DNAH9: variants seen among roughly 807,000 people sequenced by gnomAD.
The protein encoded by DNAH9 is dynein axonemal heavy chain 9.
DNAH9 carries 345 observed loss-of-function variants against 471.6 expected under a neutral mutation model. The observed-to-expected ratio is 0.73, with a 90% CI of 0.67 to 0.80. DNAH9 has a LOEUF of 0.80. Among genes scored for constraint, DNAH9 ranks in the 30% least tolerant of loss-of-function variants. The probability of loss-of-function intolerance (pLI) is 0.00; values close to 1 mark genes in which losing one functional copy is unlikely to be tolerated. For synonymous variants in DNAH9, 2,093 were observed against 2,123.6 expected, an observed-to-expected ratio of 0.99 and a Z score of 0.40; for missense variants, 5,407 against 5,609.2, an observed-to-expected ratio of 0.96 and a Z score of 1.15.
rs543303905 is a variant in DNAH9, at chr17:11,874,550, A to T, written c.10243-399A>T. On this transcript the variant is annotated intron_variant, in intron 52 of 68. Coordinates refer to ENST00000262442, the MANE Select transcript of DNAH9 (RefSeq NM_001372.4). Reference sequence around the variant, plus strand: ...ACAGACAGGAGCAAACCCACTAGGCATGGGACCTGGTGCTGGTTCATGGAG... The same window carrying T: ...ACAGACAGGAGCAAACCCACTAGGCTTGGGACCTGGTGCTGGTTCATGGAG... Among the ~76,000 whole-genome samples the T allele has an allele frequency of 3.3e-5, 5 of 152,322 alleles. No individual in the cohort carries two copies. In the South Asian group the frequency reaches 1.0e-3, roughly 32 times the overall value.
chr17:11,780,290 G>A (rs1383799828), intron 38 of DNAH9, among the ~76,000 whole-genome samples: 1 of 152,180 alleles, frequency 6.6e-6, no homozygotes, highest in Non-Finnish European at 1.5e-5. Flanking sequence ...AAGCATCTGG[G>A]AAATTCTCTG....
chr17:11,797,180 C>T lies in DNAH9; in HGVS notation c.8224-417C>T, dbSNP rs540313167. 4.6e-5 allele frequency among the ~76,000 whole-genome samples: 7 copies of T among 152,264 alleles called. 1 individual carries two copies. Among genetic ancestry groups the T allele is most frequent in the South Asian group, 2.1e-4 (1 of 4,824 alleles). ...GAAAAGATGTTGGATGGCTTTGCTGCAGATTGAGGACCTAGATCTGTTGGA... is the reference window on the plus strand; with the variant it reads ...GAAAAGATGTTGGATGGCTTTGCTGTAGATTGAGGACCTAGATCTGTTGGA... On this transcript the variant is annotated intron_variant, in intron 42 of 68. Transcript: ENST00000262442.
At chr17:11,917,804 C>T (rs1440173988) in intron 61 of DNAH9, among the ~76,000 whole-genome samples, 1 of 152,002 alleles carries the variant, frequency 6.6e-6, no homozygotes, top group Non-Finnish European at 1.5e-5. Flanking sequence ...TCAGTTTGCC[C>T]TTCCTTCACA....
At chr17:11,803,296 C>A (rs1311724489) in intron 43 of DNAH9, among the ~76,000 whole-genome samples, 1 of 152,124 alleles carries the variant, frequency 6.6e-6, no homozygotes, top group South Asian at 2.1e-4. Context: ...CTCTTAGAAT[C>A]ACTTAGCAAT....
rs539386598 is a variant in DNAH9 at position 11,937,295 on chromosome 17, G to A, written c.12490-57G>A. The A allele has an allele frequency of 5.8e-6, 9 of 1,551,792 alleles. No individual in the cohort carries two copies. The highest frequency in any genetic ancestry group is 2.5e-5 in the South Asian group (2 of 80,860). On this transcript the variant is annotated intron_variant, in intron 65 of 68. Transcript: ENST00000262442. The surrounding 1 kb of genome is among the most constrained non-coding windows in gnomAD (Gnocchi z 4.1). ...CTCCCTGCAGAGGACAAGCCGGTGTGGGAGATGGGAGGTACGTCCTGGTTT... is the reference window on the plus strand; with the variant it reads ...CTCCCTGCAGAGGACAAGCCGGTGTAGGAGATGGGAGGTACGTCCTGGTTT...
rs147353762 is a variant in DNAH9, at chr17:11,790,700, T to C, written c.8062-2803T>C. Among the ~76,000 whole-genome samples, 9 of 152,058 alleles carry C rather than the reference T, an allele frequency of 5.9e-5. 1 individual carries two copies. The highest frequency in any genetic ancestry group is 2.2e-4 in the African/African-American group (9 of 41,554). On this transcript the variant is annotated intron_variant, in intron 41 of 68. Coordinates refer to ENST00000262442, the MANE Select transcript of DNAH9 (RefSeq NM_001372.4). ...TATTTATGATTAAATCTACTTATGC[T>C]CTTTTTAATATATTCTATCTATTCT...
At chr17:11,917,437 G>T (rs938063959) in intron 61 of DNAH9, among the ~76,000 whole-genome samples, 1 of 152,114 alleles carries the variant, frequency 6.6e-6, no homozygotes, top group Non-Finnish European at 1.5e-5. Flanking sequence ...GATTACAGAC[G>T]TGAGCCACCA....
chr17:11,743,588 C>T (rs768827920), intron 30 of DNAH9, among the ~76,000 whole-genome samples: 9 of 152,190 alleles, frequency 5.9e-5, no homozygotes, highest in Admixed American at 6.5e-5. Flanking sequence ...CTCTCCCTGT[C>T]GTGTGATGCT....
chr17:11,965,096 TA>T (rs1469980216), intron 68 of DNAH9, among the ~76,000 whole-genome samples: 1 of 152,184 alleles, frequency 6.6e-6, no homozygotes, highest in Non-Finnish European at 1.5e-5. Context: ...GAGATGGCCA[TA>T]GGGGGCTTTG....
Position 11,598,491 on chromosome 17 carries a change from C to G in DNAH9, c.-8C>G, listed in dbSNP as rs2072304393. On this transcript the variant is annotated 5_prime_UTR_variant, in exon 1 of 69. Coordinates refer to ENST00000262442, the MANE Select transcript of DNAH9 (RefSeq NM_001372.4). ...TAGGGAAACCGATGCAGCTGGAGGC[C>G]GCGCGCGATGCGGCTCGCGGAGGAG... The G allele has an allele frequency of 7.3e-7, 1 of 1,364,992 alleles. No individual in the cohort carries two copies. 84.6% of individuals were successfully genotyped at this position (1,364,992 alleles called of 1,614,324 possible). A position where few individuals can be genotyped will look rare whatever the true frequency, so the allele number is the denominator to read the frequency against.
intron 1 of DNAH9, 119 bp from the exon 2 acceptor site, chr17:11,608,010 C>G: frequency 1.4e-6 from 1 of 710,782 alleles, no homozygotes. Flanking sequence ...ATTAGGCCTT[C>G]CAGCACAGTG....
chr17:11,759,089 T>C (rs1396417905), intron 35 of DNAH9, among the ~76,000 whole-genome samples: 4 of 22,812 alleles, frequency 1.8e-4, no homozygotes, highest in Non-Finnish European at 1.2e-3. Context: ...CCCTGTTCTT[T>C]TTTTTTTTTC....
intron 49 of DNAH9, among the ~76,000 whole-genome samples, chr17:11,843,531 TTAAAAA>T (rs1353115812): frequency 1.3e-5 from 2 of 151,884 alleles, no homozygotes; most frequent in African/African-American, 2.4e-5. Context: ...TCCAATTTAC[TTAAAAA>T]TAAAATACTA....
intron 6 of DNAH9, among the ~76,000 whole-genome samples, chr17:11,620,511 C>G (rs56251714): frequency 0.012 from 1,393 of 119,180 alleles, 32 homozygotes; most frequent in African/African-American, 0.043. Context: ...GACTCTGTCT[C>G]AAAAAAAAAA....
chr17:11,640,161 G>T, intron 9 of DNAH9, 109 bp from the exon 10 acceptor site: 1 of 673,638 alleles, frequency 1.5e-6, no homozygotes. Context: ...GGTGACTTTA[G>T]TCTGGAGATA....
rs2072310517 is a variant in DNAH9, at chr17:11,598,608, G to C, written c.110G>C (p.Arg37Pro). Residue 37 changes from arginine to proline, a missense_variant, in exon 1 of 69, where the codon CGG becomes CCG. By Grantham distance (103) the Arg-to-Pro change is moderately radical. This residue lies in a region of DNAH9 where 767 missense variants were observed against 692.5 expected (regional missense o/e 1.11). Transcript: ENST00000262442. ...GGGACCTACGTGGCCATGAGCCTGC[G>C]GCCGGCTGCGGGCGCCTGGGAGCGT... ...LLGTYVAMSL[R>P]PAAGAWERCA... 1 of 1,347,628 alleles carries C rather than the reference G, an allele frequency of 7.4e-7. No individual in the cohort carries two copies. The highest frequency in any genetic ancestry group is 3.1e-5 in the East Asian group (1 of 32,122). 83.5% of individuals were successfully genotyped at this position (1,347,628 alleles called of 1,614,324 possible). A position where few individuals can be genotyped will look rare whatever the true frequency, so the allele number is the denominator to read the frequency against.
At chr17:11,877,473 TAAAAAAAAAAAAAAAAAAA>T (rs550300868) in intron 53 of DNAH9, among the ~76,000 whole-genome samples, 1 of 68,612 alleles carries the variant, frequency 1.5e-5, no homozygotes, top group African/African-American at 6.9e-5. Flanking sequence ...AAACTCTGTC[TAAAAAAAAAAAAAAAAAAA>T]AAAAAAAAAA....
chr17:11,832,008 C>T (rs1597710151), intron 48 of DNAH9, among the ~76,000 whole-genome samples: 1 of 152,238 alleles, frequency 6.6e-6, no homozygotes, highest in East Asian at 1.9e-4. Context: ...TTATGGCATG[C>T]TCCCTCTCAA....
chr17:11,891,967 G>A lies in DNAH9; in HGVS notation c.11283+20G>A, dbSNP rs1973066005. 1 of 1,608,772 alleles carries A rather than the reference G, an allele frequency of 6.2e-7. No homozygotes were observed. The highest frequency in any genetic ancestry group is 8.5e-7 in the Non-Finnish European group (1 of 1,176,384). The stretch of plus-strand genomic sequence containing the variant: ...TTTCAGGTAAAAGTGGATTGAAGAA[G>A]TTTCCAGAAAACAGGTTATTTTTAG... On this transcript the variant is annotated intron_variant, in intron 58 of 68. Coordinates refer to ENST00000262442, the MANE Select transcript of DNAH9 (RefSeq NM_001372.4).
Sources: allele counts gnomAD v4.1 joint callset (sites outside exome capture counted in the v4.1 genomes callset), GRCh38; gene constraint gnomAD v4.1.1; regional missense constraint gnomAD v4.1.1; non-coding constraint Gnocchi (gnomAD v3.1); transcripts MANE v1.5; gene names NCBI Gene and HGNC (gene_info 2026-07-23, HGNC 2026-07-21).